NR6A1: variants seen among roughly 807,000 people sequenced by gnomAD.
NR6A1 encodes retinoic acid receptor-related testis-associated receptor.
A neutral mutation model predicts 59.1 loss-of-function variants in NR6A1; 7 were observed. The observed-to-expected ratio is 0.12, with a 90% confidence interval of 0.07 to 0.22. The LOEUF is 0.22. Ranked by LOEUF, NR6A1 falls within the 10% of genes least tolerant of loss-of-function variation. The pLI is 1.00. For missense variants in NR6A1, 468 were observed against 611.6 expected, an observed-to-expected ratio of 0.77 and a Z score of 2.48; for synonymous variants, 243 against 236.1, an observed-to-expected ratio of 1.03 and a Z score of -0.27.
intron 4 of NR6A1, 112 bp from the exon 5 acceptor site, chr9:124,540,299 C>G (rs1833406499): frequency 3.4e-6 from 4 of 1,161,464 alleles, no homozygotes; most frequent in Non-Finnish European, 4.8e-6. Context: ...TAGGTTCCCT[C>G]TCCTCCATCC....
At chr9:124,526,959 G>C in intron 7 of NR6A1, 59 bp from the exon 8 acceptor site, 1 of 1,602,776 alleles carries the variant, frequency 6.2e-7, no homozygotes, top group Non-Finnish European at 8.5e-7. Flanking sequence ...GCCAGGAAAG[G>C]GCAGCCAGAG....
At chr9:124,598,669 A>C in intron 2 of NR6A1, 1 of 381,532 alleles carries the variant, frequency 2.6e-6, no homozygotes, top group Non-Finnish European at 4.7e-6. Flanking sequence ...AAAAAAAAAA[A>C]CAAGGAAGGG....
rs535193335 is a variant in NR6A1 at position 124,654,861 on chromosome 9, ATT to A, written c.142+78445_142+78446del. 9.9e-4 allele frequency among the ~76,000 whole-genome samples: 110 copies of A among 111,374 alleles called. 1 individual carries two copies. In the South Asian group the frequency reaches 0.027, roughly 27 times the overall value. 73.1% of individuals were successfully genotyped at this position (111,374 alleles called of 152,430 possible). A position where few individuals can be genotyped will look rare whatever the true frequency, so the allele number is the denominator to read the frequency against. On this transcript the variant is annotated intron_variant, in intron 2 of 9. Transcript: ENST00000487099. Reference sequence around the variant, plus strand: ...AGATACTGGTTGCTTTTATACATACATTTTTTTTTTTTGTACACACACACACA... The same window carrying A: ...AGATACTGGTTGCTTTTATACATACATTTTTTTTTTGTACACACACACACA...
chr9:124,576,428 C>T (rs578037935), intron 2 of NR6A1, among the ~76,000 whole-genome samples: 60 of 152,284 alleles, frequency 3.9e-4, no homozygotes, highest in South Asian at 1.2e-3. Flanking sequence ...GCTGGGACTA[C>T]AGGCGCGTGC....
intron 1 of NR6A1, among the ~76,000 whole-genome samples, chr9:124,738,965 G>A (rs983529162): frequency 5.3e-5 from 8 of 150,372 alleles, no homozygotes; most frequent in African/African-American, 1.2e-4. Flanking sequence ...TCACCCCACT[G>A]CACTCCAGCC....
intron 1 of NR6A1, among the ~76,000 whole-genome samples, chr9:124,760,605 A>C (rs1204790897): frequency 6.6e-6 from 1 of 152,224 alleles, no homozygotes; most frequent in Non-Finnish European, 1.5e-5. Flanking sequence ...GAAACAAATT[A>C]TTAATGCTGT....
intron 2 of NR6A1, among the ~76,000 whole-genome samples, chr9:124,610,873 G>A (rs1378645346): frequency 2.6e-5 from 4 of 152,110 alleles, no homozygotes; most frequent in Non-Finnish European, 5.9e-5. Flanking sequence ...AGATTTTCTA[G>A]TTTACTTGCA....
chr9:124,681,384 C>A (rs1838151671), intron 2 of NR6A1, among the ~76,000 whole-genome samples: 1 of 148,314 alleles, frequency 6.7e-6, no homozygotes, highest in African/African-American at 2.5e-5. Flanking sequence ...CTCTGTCACC[C>A]AGGCTGGAGT....
chr9:124,706,808 G>C (rs931008750), intron 2 of NR6A1, among the ~76,000 whole-genome samples: 1 of 152,100 alleles, frequency 6.6e-6, no homozygotes. Context: ...GAGCCACCTC[G>C]CCCGGCCAAC....
chr9:124,737,599 C>T (rs1012004550), intron 1 of NR6A1, among the ~76,000 whole-genome samples: 2 of 152,222 alleles, frequency 1.3e-5, no homozygotes, highest in Non-Finnish European at 2.9e-5. Flanking sequence ...GGCGCAGTGG[C>T]TCACACCTGT....
intron 2 of NR6A1, 79 bp from the exon 3 acceptor site, chr9:124,554,649 G>C (rs1564176782): frequency 6.4e-7 from 1 of 1,573,008 alleles, no homozygotes; most frequent in Non-Finnish European, 8.7e-7. Context: ...CTCTGCTCTG[G>C]GTAGATTAAG....
At chr9:124,744,696 A>C (rs1840274817) in intron 1 of NR6A1, among the ~76,000 whole-genome samples, 1 of 152,236 alleles carries the variant, frequency 6.6e-6, no homozygotes, top group East Asian at 1.9e-4. Flanking sequence ...AGAAGCAGCT[A>C]CTGAGGGAAG....
At chr9:124,700,512 C>T (rs1390603629) in intron 2 of NR6A1, among the ~76,000 whole-genome samples, 2 of 152,042 alleles carry the variant, frequency 1.3e-5, no homozygotes, top group East Asian at 1.9e-4. Flanking sequence ...TGAGCCACCA[C>T]GCCCAGTGAA....
chr9:124,529,899 T>G (rs1026265301), intron 7 of NR6A1, among the ~76,000 whole-genome samples: 1 of 151,836 alleles, frequency 6.6e-6, no homozygotes, highest in Non-Finnish European at 1.5e-5. Flanking sequence ...TCTTTCAGTA[T>G]CTGACTGGAG....
In NR6A1 at chr9:124,685,499, TTTC is replaced by T. The variant is rs1047845954; in HGVS notation, c.142+47806_142+47808del. 2.6e-5 allele frequency among the ~76,000 whole-genome samples: 4 copies of T among 152,356 alleles called. No individual in the cohort carries two copies. In the South Asian group the frequency reaches 8.3e-4, roughly 32 times the overall value. ...AGACATCACAATGCCGGGCTAATTT[TTTC>T]AATTTTTAGTAGAGATGGGGTCTCC... On this transcript the variant is annotated intron_variant, in intron 2 of 9. Transcript: ENST00000487099.
At chr9:124,689,856 T>TATA (rs1838466739) in intron 2 of NR6A1, among the ~76,000 whole-genome samples, 1 of 152,176 alleles carries the variant, frequency 6.6e-6, no homozygotes, top group Non-Finnish European at 1.5e-5. Flanking sequence ...TCTCCCTTAA[T>TATA]ATAGTTCACA....
intron 2 of NR6A1, among the ~76,000 whole-genome samples, chr9:124,592,879 C>G (rs1346155205): frequency 6.6e-6 from 1 of 152,174 alleles, no homozygotes; most frequent in African/African-American, 2.4e-5. Context: ...GACTCCATTA[C>G]TCTTTCCAAA....
chr9:124,538,473 C>G (rs889638389), intron 5 of NR6A1, among the ~76,000 whole-genome samples, 154 bp from the exon 6 acceptor site: 1 of 152,148 alleles, frequency 6.6e-6, no homozygotes, highest in East Asian at 1.9e-4. Flanking sequence ...ATTCATGTCT[C>G]TCCTACTAGA....
chr9:124,657,698 A>G (rs889102767), intron 2 of NR6A1, among the ~76,000 whole-genome samples: 3 of 152,140 alleles, frequency 2.0e-5, no homozygotes, highest in African/African-American at 7.2e-5. Flanking sequence ...TTGCATGATT[A>G]AAGGCTATGT....
Sources: gnomAD v4.1 joint callset for allele counts (sites outside exome capture counted in the v4.1 genomes callset) on GRCh38, gnomAD v4.1.1 for gene constraint, MANE v1.5 for transcripts, NCBI Gene and HGNC (gene_info 2026-07-23, HGNC 2026-07-21) for gene names.